Variants in KCNT2 observed in about 807,000 individuals in gnomAD.
KCNT2 encodes potassium sodium-activated channel subfamily T member 2, also known as potassium channel subfamily T member 2.
A neutral mutation model predicts 153.8 loss-of-function variants in KCNT2; 67 were observed. That is an observed-to-expected ratio of 0.44 (90% CI 0.36 to 0.53). KCNT2 has a LOEUF of 0.53. Ranked by LOEUF, KCNT2 falls within the 20% of genes least tolerant of loss-of-function variation. The pLI is 0.00. For synonymous variants in KCNT2, 500 were observed against 458.8 expected, an observed-to-expected ratio of 1.09 and a Z score of -1.15; for missense variants, 975 against 1,354.8, an observed-to-expected ratio of 0.72 and a Z score of 4.40.
intron 1 of KCNT2, among the ~76,000 whole-genome samples, chr1:196,570,296 A>T (rs568106280): frequency 1.3e-5 from 2 of 152,264 alleles, no homozygotes; most frequent in South Asian, 4.1e-4. Context: ...TAATTTTTTT[A>T]AATTATGTGT....
chr1:196,257,924 C>T, intron 26 of KCNT2: 1 of 960,576 alleles, frequency 1.0e-6, no homozygotes, highest in Non-Finnish European at 1.2e-6. Flanking sequence ...CAGGGTCTGG[C>T]TCAGAGTTTT....
At chr1:196,331,503 C>T (rs867192683) in intron 17 of KCNT2, among the ~76,000 whole-genome samples, 23 of 152,104 alleles carry the variant, frequency 1.5e-4, no homozygotes, top group Non-Finnish European at 2.5e-4. Flanking sequence ...AAAAATCAAA[C>T]TAGTATTTCA....
chr1:196,561,660 A>AAAAAAAAAAAAAAAAAAC (rs1659414075), intron 1 of KCNT2, among the ~76,000 whole-genome samples: 1 of 17,072 alleles, frequency 5.9e-5, no homozygotes, highest in Non-Finnish European at 1.7e-3. Context: ...CTCAAAAAAA[A>AAAAAAAAAAAAAAAAAAC]AAAAAAAAAA....
At chr1:196,236,789 C>T (rs1391141844) in intron 26 of KCNT2, among the ~76,000 whole-genome samples, 4 of 150,086 alleles carry the variant, frequency 2.7e-5, no homozygotes, top group Non-Finnish European at 3.0e-5. Context: ...AAATGTTGAC[C>T]CTGCATTACA....
chr1:196,593,070 AC>A lies in KCNT2; in HGVS notation c.95+15144del, dbSNP rs1663579203. ...CACAATTTGTAGTCTTTTATCCCTT[AC>A]CCCCTCCCACCCTTTCCTGCCGAGT... On this transcript the variant is annotated intron_variant, in intron 1 of 27. Transcript: ENST00000294725. Among the ~76,000 whole-genome samples the A allele has an allele frequency of 3.3e-5, 5 of 149,680 alleles. 1 individual carries two copies. In the South Asian group the frequency reaches 8.4e-4, roughly 25 times the overall value.
chr1:196,299,873 G>A (rs1214493624), intron 22 of KCNT2, among the ~76,000 whole-genome samples: 1 of 152,138 alleles, frequency 6.6e-6, no homozygotes, highest in African/African-American at 2.4e-5. Flanking sequence ...TAGATGACTG[G>A]CTAAAGAAAA....
At chr1:196,327,753 A>C (rs1041078497) in intron 18 of KCNT2, among the ~76,000 whole-genome samples, 5 of 149,196 alleles carry the variant, frequency 3.4e-5, no homozygotes, top group African/African-American at 1.3e-4. Context: ...TGAAACCTCA[A>C]ATTTCCAGTC....
At chr1:196,299,052 C>T (rs188783598) in intron 22 of KCNT2, among the ~76,000 whole-genome samples, 1 of 151,796 alleles carries the variant, frequency 6.6e-6, no homozygotes, top group East Asian at 1.9e-4. Flanking sequence ...AGAAAGCAGT[C>T]TTGAAGCAAA....
intron 1 of KCNT2, among the ~76,000 whole-genome samples, chr1:196,500,739 G>GA (rs1345644040): frequency 6.6e-6 from 1 of 151,996 alleles, no homozygotes; most frequent in Non-Finnish European, 1.5e-5. Context: ...TACACCAAAG[G>GA]AAACAAACAG....
intron 8 of KCNT2, among the ~76,000 whole-genome samples, chr1:196,464,811 G>A (rs181056319): frequency 1.8e-4 from 28 of 152,062 alleles, no homozygotes; most frequent in Admixed American, 7.9e-4. Flanking sequence ...TGAAGTGCCA[G>A]GTCTTGCCTT....
At chr1:196,292,582 G>A (rs7529694) in intron 22 of KCNT2, among the ~76,000 whole-genome samples, 4,906 of 152,134 alleles carry the variant, frequency 0.032, 246 homozygotes, top group African/African-American at 0.11. Flanking sequence ...CGAGGCGGGC[G>A]GATCACAAGG....
chr1:196,548,104 AAAT>A (rs1409404429), intron 1 of KCNT2, among the ~76,000 whole-genome samples: 1 of 151,680 alleles, frequency 6.6e-6, no homozygotes, highest in Non-Finnish European at 1.5e-5. Flanking sequence ...GAATTTAAGA[AAAT>A]AATAATAACT....
At chr1:196,390,357 G>T (rs1670367090) in intron 13 of KCNT2, among the ~76,000 whole-genome samples, 1 of 151,484 alleles carries the variant, frequency 6.6e-6, no homozygotes, top group African/African-American at 2.4e-5. Context: ...TACTCTAACA[G>T]AATTTATATT....
intron 8 of KCNT2, among the ~76,000 whole-genome samples, chr1:196,451,217 C>CTAT (rs1676135727): frequency 1.6e-5 from 1 of 63,552 alleles, no homozygotes; most frequent in African/African-American, 4.7e-5. Context: ...ATCCCTCTTT[C>CTAT]TTTTTTTTTT....
intron 9 of KCNT2, among the ~76,000 whole-genome samples, chr1:196,429,191 G>C (rs1673917737): frequency 6.6e-6 from 1 of 151,778 alleles, no homozygotes; most frequent in African/African-American, 2.4e-5. Flanking sequence ...TCATTGCAGT[G>C]TATGACTTTG....
At chr1:196,607,522 G>C (rs1369376732) in intron 1 of KCNT2, among the ~76,000 whole-genome samples, 1 of 151,124 alleles carries the variant, frequency 6.6e-6, no homozygotes, top group Non-Finnish European at 1.5e-5. Flanking sequence ...CATATATTCT[G>C]TTTCAGTTAA....
intron 22 of KCNT2, among the ~76,000 whole-genome samples, chr1:196,296,049 G>T (rs1286657665): frequency 6.6e-6 from 1 of 151,872 alleles, no homozygotes; most frequent in Admixed American, 6.6e-5. Flanking sequence ...GCTTAAATCA[G>T]TTATAATCAC....
intron 18 of KCNT2, 37 bp downstream of exon 18, chr1:196,331,119 T>C (rs1162763832): frequency 8.9e-7 from 1 of 1,119,006 alleles, no homozygotes; most frequent in Admixed American, 1.8e-5. Flanking sequence ...TGCTATAATT[T>C]TATTTTGTAA....
intron 1 of KCNT2, 152 bp downstream of exon 1, chr1:196,608,063 G>A: frequency 2.9e-6 from 2 of 686,262 alleles, no homozygotes; most frequent in Non-Finnish European, 5.3e-6. Context: ...AAAATGGAGA[G>A]ACAAATCAGA....
Sources: gnomAD v4.1 joint callset for allele counts (sites outside exome capture counted in the v4.1 genomes callset) on GRCh38, gnomAD v4.1.1 for gene constraint, MANE v1.5 for transcripts, NCBI Gene and HGNC (gene_info 2026-07-23, HGNC 2026-07-21) for gene names.